The following CCAR1 variants were observed in gnomAD, a reference collection of about 807,000 sequenced individuals.
The protein encoded by CCAR1 is cell division cycle and apoptosis regulator protein 1.
Under a neutral mutation model 163.8 loss-of-function variants are expected in CCAR1, and 78 were observed. That is an observed-to-expected ratio of 0.48 (90% CI 0.40 to 0.57). The LOEUF (loss-of-function observed/expected upper bound fraction) is 0.57, where lower values mean the gene tolerates loss of function less well. Among genes scored for constraint, CCAR1 ranks in the 20% least tolerant of loss-of-function variants. The pLI is 0.00. For synonymous variants in CCAR1, 443 were observed against 460.7 expected, an observed-to-expected ratio of 0.96 and a Z score of 0.49; for missense variants, 1,019 against 1,365.2, an observed-to-expected ratio of 0.75 and a Z score of 4.00.
In CCAR1 at chr10:68,729,698, G is replaced by A. The variant is rs557075647; in HGVS notation, c.73+7121G>A. 6.9e-4 allele frequency among the ~76,000 whole-genome samples: 57 copies of A among 82,766 alleles called. 1 individual carries two copies. In the East Asian group the frequency reaches 9.3e-3, roughly 13 times the overall value. 54.3% of individuals were successfully genotyped at this position (82,766 alleles called of 152,430 possible). A position where few individuals can be genotyped will look rare whatever the true frequency, so the allele number is the denominator to read the frequency against. ...AGTCAGGAGGATTGAGCAAAACTCC[G>A]TCTTAAAAAAAAAAAAAAAATACAA... On this transcript the variant is annotated intron_variant, in intron 2 of 24. Coordinates refer to ENST00000265872, the MANE Select transcript of CCAR1 (RefSeq NM_018237.4).
intron 6 of CCAR1, among the ~76,000 whole-genome samples, chr10:68,743,323 G>C (rs181503177): frequency 4.0e-5 from 6 of 149,594 alleles, no homozygotes; most frequent in African/African-American, 1.5e-4. Flanking sequence ...CAGCCACCAT[G>C]CCTGGCTAAT....
intron 9 of CCAR1, 99 bp from the exon 10 acceptor site, chr10:68,749,425 C>T (rs2056302406): frequency 1.6e-6 from 2 of 1,246,302 alleles, no homozygotes; most frequent in South Asian, 3.1e-5. Flanking sequence ...AACAAATATA[C>T]TGTGGATTCT....
chr10:68,727,398 G>A (rs954899850), intron 2 of CCAR1, among the ~76,000 whole-genome samples: 1 of 152,070 alleles, frequency 6.6e-6, no homozygotes, highest in African/African-American at 2.4e-5. Flanking sequence ...TGAGGCCAAG[G>A]ACGGTGAAAA....
At chr10:68,746,310 T>A (rs919511669) in intron 6 of CCAR1, among the ~76,000 whole-genome samples, 3 of 152,084 alleles carry the variant, frequency 2.0e-5, no homozygotes, top group Non-Finnish European at 2.9e-5. Flanking sequence ...GGAGTCTCAC[T>A]CTATCGCCCA....
intron 19 of CCAR1, among the ~76,000 whole-genome samples, chr10:68,781,719 A>G (rs2056738236): frequency 1.3e-5 from 2 of 151,968 alleles, no homozygotes; most frequent in African/African-American, 4.8e-5. Context: ...GTGTGGTTAC[A>G]TGCCCCTGTG....
chr10:68,790,282 G>C (rs1208886046), intron 24 of CCAR1, among the ~76,000 whole-genome samples: 1 of 151,508 alleles, frequency 6.6e-6, no homozygotes, highest in Non-Finnish European at 1.5e-5. Context: ...TTGAACCTGT[G>C]AAGCAGAGGT....
intron 2 of CCAR1, among the ~76,000 whole-genome samples, chr10:68,727,082 T>G (rs181603148): frequency 1.3e-5 from 2 of 148,472 alleles, no homozygotes; most frequent in Admixed American, 6.8e-5. Flanking sequence ...TTGTTTTTTT[T>G]TTTTTGACAG....
Position 68,737,058 on chromosome 10 carries a change from T to G in CCAR1, c.246+10T>G. On this transcript the variant is annotated intron_variant, in intron 3 of 24. Coordinates refer to ENST00000265872, the MANE Select transcript of CCAR1 (RefSeq NM_018237.4). ...AGCTGCATTACAACAGGTAAATCTT[T>G]AATATGTCTTATTATTTGATGTAGA... 6 of 1,596,668 alleles carry G rather than the reference T, an allele frequency of 3.8e-6. No homozygotes were observed. The highest frequency in any genetic ancestry group is 5.1e-6 in the Non-Finnish European group (6 of 1,166,196).
chr10:68,743,200 CTTTT>C (rs567782298), intron 6 of CCAR1, among the ~76,000 whole-genome samples: 1 of 132,746 alleles, frequency 7.5e-6, no homozygotes, highest in African/African-American at 2.8e-5. Context: ...TTTTCTTTTT[CTTTT>C]TTTTTTTTTT....
intron 6 of CCAR1, among the ~76,000 whole-genome samples, chr10:68,745,688 C>G (rs960580996): frequency 6.6e-6 from 1 of 150,796 alleles, no homozygotes; most frequent in African/African-American, 2.4e-5. Context: ...GGTCTTGAAC[C>G]TCTGACCTCA....
chr10:68,782,255 T>A (rs567619370), intron 19 of CCAR1, among the ~76,000 whole-genome samples: 1 of 152,208 alleles, frequency 6.6e-6, no homozygotes, highest in East Asian at 1.9e-4. Flanking sequence ...AGTGGTGGAT[T>A]CATGAGGTTT....
chr10:68,742,493 C>T lies in CCAR1; in HGVS notation c.442C>T (p.Arg148Cys). ...ACAGCAAACCCAGCCTCAGAAGCAG[C>T]GTGTTTTCACAGGGGTGGTTACAAA... is the stretch of plus-strand genomic sequence containing the variant. ...SQQQTQPQKQ[R>C]VFTGVVTKLH... The change falls in exon 6 of 25, where the codon CGT (arginine) becomes TGT (cysteine). Residue 148 changes from arginine (R) to cysteine (C), a missense_variant. This residue lies in a region of CCAR1 where 644 missense variants were observed against 904.4 expected (regional missense o/e 0.71). Transcript: ENST00000265872. 6.2e-7 allele frequency: 1 copy of T among 1,614,036 alleles called. No homozygotes were observed. Among genetic ancestry groups the T allele is most frequent in the Non-Finnish European group, 8.5e-7 (1 of 1,179,904 alleles).
chr10:68,745,241 C>T (rs1329657029), intron 6 of CCAR1, among the ~76,000 whole-genome samples: 3 of 151,996 alleles, frequency 2.0e-5, no homozygotes, highest in Non-Finnish European at 4.4e-5. Flanking sequence ...CTGCTGACCT[C>T]GTGATCCACC....
intron 24 of CCAR1, 92 bp downstream of exon 24, chr10:68,790,007 A>G: frequency 1.3e-6 from 1 of 769,676 alleles, no homozygotes; most frequent in South Asian, 2.2e-5. Flanking sequence ...GCTCTTAGTG[A>G]TTATTCTAAA....
At position 68,791,661 on chromosome 10, in the gene CCAR1, G is replaced by A. The variant is rs1210097313; in HGVS notation, c.*395G>A. On this transcript the variant is annotated 3_prime_UTR_variant, in exon 25 of 25. Transcript: ENST00000265872. The stretch of plus-strand genomic sequence containing the variant: ...TTTTAGTTCATCTGTTAAAATTTCA[G>A]TCAAAATCATAAAATAGCATGATGC... 3 of 152,854 alleles carry A rather than the reference G, an allele frequency of 2.0e-5. No individual in the cohort carries two copies. Among genetic ancestry groups the A allele is most frequent in the Non-Finnish European group, 4.4e-5 (3 of 68,680 alleles). The allele number at this position is 152,854 out of a possible 1,614,324, so 9.5% of individuals were successfully genotyped here. A position where few individuals can be genotyped will look rare whatever the true frequency, so the allele number is the denominator to read the frequency against.
Position 68,733,944 on chromosome 10 carries a change from G to A in CCAR1, c.74-2932G>A, listed in dbSNP as rs188547703. ...CTCCCAAAGTGCTGGGATTACAGGC[G>A]TGAGCTACCATGCTGAGGTTTTTTA... On this transcript the variant is annotated intron_variant, in intron 2 of 24. Transcript: ENST00000265872. 5.1e-3 allele frequency among the ~76,000 whole-genome samples: 771 copies of A among 152,258 alleles called. 8 individuals are homozygous for A. Among genetic ancestry groups the A allele is most frequent in the Non-Finnish European group, 8.7e-3 (589 of 68,012 alleles).
chr10:68,767,974 A>C (rs1377311427), intron 17 of CCAR1, among the ~76,000 whole-genome samples: 1 of 152,272 alleles, frequency 6.6e-6, no homozygotes, highest in Non-Finnish European at 1.5e-5. Context: ...TGTCCTGTAC[A>C]AAATCATATC....
Position 68,756,567 on chromosome 10 carries a change from A to G in CCAR1, c.1836+84A>G, listed in dbSNP as rs2133366197. The G allele has an allele frequency of 1.9e-6, 2 of 1,032,194 alleles. No individual in the cohort carries two copies. Among genetic ancestry groups the G allele is most frequent in the Non-Finnish European group, 3.0e-6 (2 of 675,606 alleles). The allele number at this position is 1,032,194 out of a possible 1,614,324, so 63.9% of individuals were successfully genotyped here. A position where few individuals can be genotyped will look rare whatever the true frequency, so the allele number is the denominator to read the frequency against. On this transcript the variant is annotated intron_variant, in intron 14 of 24. Transcript: ENST00000265872. This position sits in a 1 kb window ranked among gnomAD's most constrained non-coding sequence, Gnocchi z 5.1. ...ACAAATGCACACCACACACTACATA[A>G]TAAACACACATGGAGGAACATAACT...
chr10:68,789,802 C>G lies in CCAR1; in HGVS notation c.3280C>G (p.Gln1094Glu), dbSNP rs776387007. 6 of 1,607,244 alleles carry G rather than the reference C, an allele frequency of 3.7e-6. No individual in the cohort carries two copies. The highest frequency in any genetic ancestry group is 5.1e-6 in the Non-Finnish European group (6 of 1,176,978). ...AGTTAAAAAGGACCTTAGTCAGTTA[C>G]AAGAAAACTTAAAGATTTCGGAAAA... ...REVKKDLSQL[Q>E]ENLKISENMN... The change falls in exon 24 of 25, where the codon CAA (glutamine) becomes GAA (glutamate). Residue 1094 changes from glutamine (Q) to glutamate (E), a missense_variant. By Grantham distance (29) the Gln-to-Glu change is conservative. Transcript: ENST00000265872.
Sources: allele counts gnomAD v4.1 joint callset (sites outside exome capture counted in the v4.1 genomes callset), GRCh38; gene constraint gnomAD v4.1.1; regional missense constraint gnomAD v4.1.1; non-coding constraint Gnocchi (gnomAD v3.1); transcripts MANE v1.5; gene names NCBI Gene and HGNC (gene_info 2026-07-23, HGNC 2026-07-21).